Variants in DMD observed in about 807,000 individuals in gnomAD.
The protein encoded by DMD is dystrophin.
In DMD, 63 loss-of-function variants were observed where a neutral mutation model predicts 330.1. The observed-to-expected ratio is 0.19, with a 90% CI of 0.16 to 0.24. DMD has a LOEUF of 0.24. Among genes scored for constraint, DMD ranks in the 10% least tolerant of loss-of-function variants. The pLI is 1.00. For synonymous variants in DMD, 1,223 were observed against 959.8 expected (o/e 1.27, Z -5.07); for missense variants, 3,344 against 2,684.1 (o/e 1.25, Z -5.43).
chrX:31,462,163 G>A lies in DMD; in HGVS notation c.8937+15943C>T, dbSNP rs2066568299. Reference sequence around the variant, plus strand: ...GACAAATATTTGCCAGCACTTCAGTGACACAGACAATGACTGGTATAAAGG... The same window carrying A: ...GACAAATATTTGCCAGCACTTCAGTAACACAGACAATGACTGGTATAAAGG... On this transcript the variant is annotated intron_variant, in intron 59 of 78. Transcript: ENST00000357033. 2.7e-5 allele frequency among the ~76,000 whole-genome samples: 3 copies of A among 112,073 alleles called. No individual in the cohort carries two copies. In the South Asian group the frequency reaches 1.1e-3, roughly 42 times the overall value.
At chrX:32,838,211 G>C (rs1414838146) in intron 4 of DMD, among the ~76,000 whole-genome samples, 1 of 111,486 alleles carries the variant, frequency 9.0e-6, no homozygotes, top group African/African-American at 3.3e-5. Flanking sequence ...CTCTAAGTTT[G>C]TTAGTATTCT....
intron 13 of DMD, among the ~76,000 whole-genome samples, chrX:32,582,392 A>G (rs1047831369): frequency 1.8e-5 from 2 of 112,130 alleles, no homozygotes; most frequent in Middle Eastern, 4.7e-3. Flanking sequence ...AAATATATTC[A>G]TAACAGCAAA....
intron 1 of DMD, among the ~76,000 whole-genome samples, chrX:33,311,166 TATAG>T (rs1358376343): frequency 1.8e-5 from 2 of 110,130 alleles, no homozygotes; most frequent in Middle Eastern, 4.9e-3. Flanking sequence ...TACTTTAATA[TATAG>T]ATACACATAT....
intron 61 of DMD, among the ~76,000 whole-genome samples, chrX:31,340,060 G>T (rs2057642218): frequency 8.9e-6 from 1 of 112,247 alleles, no homozygotes; most frequent in African/African-American, 3.2e-5. Flanking sequence ...GTGTAGTGGG[G>T]AATGTCCAGG....
At chrX:31,178,558 A>G in intron 70 of DMD, 111 bp downstream of exon 70, 1 of 1,057,312 alleles carries the variant, frequency 9.5e-7, no homozygotes, top group African/African-American at 1.9e-5. Context: ...GTAAATAAAA[A>G]GAAAGAAATA....
At chrX:33,070,655 CTCTCTCTCTCTCTCTCTCTATATATATA>C (rs1254945916) in intron 1 of DMD, among the ~76,000 whole-genome samples, 2 of 40,848 alleles carry the variant, frequency 4.9e-5, no homozygotes, top group African/African-American at 2.1e-4. Context: ...CTCTCTCTCT[CTCTCTCTCTCTCTCTCTCTATATATATA>C]TATATATATA....
chrX:32,403,689 T>G (rs1050353015), intron 30 of DMD, among the ~76,000 whole-genome samples: 1 of 111,814 alleles, frequency 8.9e-6, no homozygotes, highest in Non-Finnish European at 1.9e-5. Context: ...TAGCAACACA[T>G]AGGGGTGGCC....
At chrX:32,950,953 A>G (rs991141441) in intron 2 of DMD, among the ~76,000 whole-genome samples, 5 of 111,381 alleles carry the variant, frequency 4.5e-5, no homozygotes, top group African/African-American at 1.6e-4. Context: ...ATTTTGTCCA[A>G]TTCGCAGGTG....
chrX:32,618,114 A>T (rs1387257168), intron 11 of DMD, among the ~76,000 whole-genome samples: 1 of 112,178 alleles, frequency 8.9e-6, no homozygotes, highest in Non-Finnish European at 1.9e-5. Context: ...TGGTGATTCC[A>T]CAAAGACCTC....
chrX:31,507,539 T>C, intron 55 of DMD, 86 bp from the exon 56 acceptor site: 4 of 875,318 alleles, frequency 4.6e-6, no homozygotes, highest in East Asian at 3.4e-5. Context: ...AATTGCAAAA[T>C]ATAAATAATT....
rs749863006 is a variant in DMD at position 31,290,635 on chromosome X, T to A, written c.9225-29619A>T. On this transcript the variant is annotated intron_variant, in intron 62 of 78. Transcript: ENST00000357033. Reference sequence around the variant, plus strand: ...TAAAAATAATACTCTAAAAAGTGTGTTCATATGAATAATTTTTCATTCATG... The same window carrying A: ...TAAAAATAATACTCTAAAAAGTGTGATCATATGAATAATTTTTCATTCATG... Among the ~76,000 whole-genome samples, 91 of 111,822 alleles carry A rather than the reference T, an allele frequency of 8.1e-4. 2 individuals are homozygous for A. The highest frequency in any genetic ancestry group is 5.1e-3 in the Admixed American group (54 of 10,505).
At chrX:31,654,176 A>G (rs1037376878) in intron 54 of DMD, among the ~76,000 whole-genome samples, 2 of 112,240 alleles carry the variant, frequency 1.8e-5, no homozygotes, top group Non-Finnish European at 3.8e-5. Context: ...TTTCAAGTAC[A>G]TTTTATATCT....
chrX:32,008,807 G>T (rs1287550989), intron 44 of DMD, among the ~76,000 whole-genome samples: 1 of 111,352 alleles, frequency 9.0e-6, no homozygotes, highest in East Asian at 2.8e-4. Context: ...AGTCTACATA[G>T]AGGAAGAGGC....
chrX:31,559,049 T>C (rs922348132), intron 55 of DMD, among the ~76,000 whole-genome samples: 2 of 112,111 alleles, frequency 1.8e-5, no homozygotes, highest in African/African-American at 6.5e-5. Flanking sequence ...AATGAAGAGA[T>C]GACACTGAAG....
At chrX:32,673,423 G>C (rs1176700659) in intron 9 of DMD, among the ~76,000 whole-genome samples, 3 of 111,356 alleles carry the variant, frequency 2.7e-5, no homozygotes, top group African/African-American at 9.8e-5. Flanking sequence ...ATGGTTACTT[G>C]TTTTTGAAGT....
At chrX:32,736,055 C>T (rs2068428316) in intron 7 of DMD, among the ~76,000 whole-genome samples, 4 of 111,535 alleles carry the variant, frequency 3.6e-5, no homozygotes, top group Non-Finnish European at 5.7e-5. Flanking sequence ...ACAATGAACT[C>T]AAACAAATTT....
At chrX:33,014,852 TTATTA>T (rs2093769981) in intron 2 of DMD, among the ~76,000 whole-genome samples, 1 of 111,979 alleles carries the variant, frequency 8.9e-6, no homozygotes, top group African/African-American at 3.2e-5. Context: ...TAATGCCCTT[TTATTA>T]TATGTTTTGT....
intron 59 of DMD, among the ~76,000 whole-genome samples, chrX:31,462,266 G>C (rs540285035): frequency 9.0e-6 from 1 of 111,099 alleles, no homozygotes. Context: ...GATCACCTGA[G>C]GTCAGGAGTT....
At chrX:32,121,661 A>ATATATATATG (rs1415216267) in intron 44 of DMD, among the ~76,000 whole-genome samples, 8 of 81,324 alleles carry the variant, frequency 9.8e-5, no homozygotes, top group South Asian at 6.7e-4. Flanking sequence ...ATATATATAT[A>ATATATATATG]TATGTATTCG....
Sources: allele counts gnomAD v4.1 joint callset (sites outside exome capture counted in the v4.1 genomes callset), GRCh38; gene constraint gnomAD v4.1.1; transcripts MANE v1.5; gene names NCBI Gene and HGNC (gene_info 2026-07-23, HGNC 2026-07-21).